The following TRMT11 variants were observed in gnomAD, a reference collection of about 807,000 sequenced individuals.
The protein encoded by TRMT11 is tRNA methyltransferase 11.
TRMT11 carries 53 observed loss-of-function variants against 62.8 expected under a neutral mutation model. The observed-to-expected ratio is 0.84, with a 90% CI of 0.68 to 1.06. The LOEUF (loss-of-function observed/expected upper bound fraction) is 1.06, where lower values mean the gene tolerates loss of function less well. Ranked by LOEUF, TRMT11 falls within the 50% of genes least tolerant of loss-of-function variation. The probability of loss-of-function intolerance (pLI) is 0.00; values close to 1 mark genes in which losing one functional copy is unlikely to be tolerated. For synonymous variants in TRMT11, 188 were observed against 190.3 expected (o/e 0.99, Z 0.10); for missense variants, 556 against 553.4 (o/e 1.00, Z -0.05).
At chr6:126,234,665 TTTCTC>T in the TRMT11 span, among the ~76,000 whole-genome samples, 1 of 152,178 alleles carries the variant, frequency 6.6e-6, no homozygotes, top group African/African-American at 2.4e-5. Context: ...TAATAATACA[TTTCTC>T]TAAATATCAA....
At chr6:126,065,555 CATTA>C (rs1359862794) in intron 17 of TRMT11, among the ~76,000 whole-genome samples, 2 of 152,204 alleles carry the variant, frequency 1.3e-5, no homozygotes, top group Non-Finnish European at 2.9e-5. Context: ...CTCCTTCATT[CATTA>C]ATTATTATGA....
At chr6:126,212,711 T>G in the TRMT11 span, among the ~76,000 whole-genome samples, 479 of 152,296 alleles carry the variant, frequency 3.1e-3, 4 homozygotes, top group Middle Eastern at 6.8e-3. Flanking sequence ...TCAAATATTT[T>G]CTCCCATTCT....
At chr6:125,987,393 T>C (rs1025730211) in intron 1 of TRMT11, among the ~76,000 whole-genome samples, 15 of 152,312 alleles carry the variant, frequency 9.8e-5, no homozygotes, top group Middle Eastern at 6.8e-3. Context: ...TCATTATTAC[T>C]GGATCACTAG....
chr6:126,218,595 G>T, the TRMT11 span, among the ~76,000 whole-genome samples: 1 of 152,222 alleles, frequency 6.6e-6, no homozygotes, highest in Non-Finnish European at 1.5e-5. Context: ...TCATATCCAA[G>T]TTGCAAGACA....
Position 126,012,773 on chromosome 6 carries a change from C to G in TRMT11, c.928C>G (p.Pro310Ala), listed in dbSNP as rs1165479067. ...TGTTACCTTTGTTTTCTGTCTAGCT[C>G]CATATGGTATCAGAGAATCTACAAG... ...TYFDAIITDP[P>A]YGIRESTRRT... Residue 310 changes from proline to alanine, a missense_variant and splice_region_variant, in exon 10 of 13, where the codon CCA becomes GCA. Pro to Ala is a conservative substitution (Grantham distance 27, BLOSUM62 -1). Coordinates refer to ENST00000334379, the MANE Select transcript of TRMT11 (RefSeq NM_001031712.3). 2 of 1,612,726 alleles carry G rather than the reference C, an allele frequency of 1.2e-6. No individual in the cohort carries two copies. The highest frequency in any genetic ancestry group is 2.2e-5 in the East Asian group (1 of 44,862).
chr6:126,090,379 C>G (rs1400183409), intron 17 of TRMT11, among the ~76,000 whole-genome samples: 4 of 152,116 alleles, frequency 2.6e-5, no homozygotes, highest in African/African-American at 9.7e-5. Flanking sequence ...CCTAACAGAC[C>G]ATGCTGTGAA....
At chr6:126,193,683 C>T (rs560260666) in intron 1 of TRMT11, among the ~76,000 whole-genome samples, 3 of 151,554 alleles carry the variant, frequency 2.0e-5, no homozygotes, top group East Asian at 1.9e-4. Flanking sequence ...TTAGTAGAGA[C>T]GGGGTTTCAC....
Position 126,021,187 on chromosome 6 carries a change from C to A in TRMT11, c.1167C>A (p.His389Gln). ...PEYTEEMVPW[H>Q]PCLELVSNCE... ...ACACTGAAGAGATGGTGCCTTGGCA[C>A]CCTTGCCTGGAACTCGTTAGCAACT... Residue 389 changes from histidine (H) to glutamine (Q), a missense_variant, in exon 12 of 13, where the codon CAC (histidine) becomes CAA (glutamine). His to Gln is a conservative substitution (Grantham distance 24). Coordinates refer to ENST00000334379, the MANE Select transcript of TRMT11 (RefSeq NM_001031712.3). 1 of 1,614,118 alleles carries A rather than the reference C, an allele frequency of 6.2e-7. No individual in the cohort carries two copies. Among genetic ancestry groups the A allele is most frequent in the Non-Finnish European group, 8.5e-7 (1 of 1,179,996 alleles).
At chr6:126,260,982 G>A in the TRMT11 span, among the ~76,000 whole-genome samples, 1 of 152,070 alleles carries the variant, frequency 6.6e-6, no homozygotes, top group East Asian at 1.9e-4. Context: ...CCAATATGTG[G>A]GAAGTTTTCA....
chr6:126,143,811 A>G (rs1323277445), intron 21 of TRMT11, among the ~76,000 whole-genome samples: 1 of 152,164 alleles, frequency 6.6e-6, no homozygotes, highest in African/African-American at 2.4e-5. Flanking sequence ...CTTTGTGCTG[A>G]TAAGTGGGGC....
At chr6:126,207,845 C>T (rs544713008), downstream of TRMT11, among the ~76,000 whole-genome samples, 8 of 152,196 alleles carry the variant, frequency 5.3e-5, no homozygotes, top group African/African-American at 1.9e-4. Flanking sequence ...TGAACATTCT[C>T]AAGACAAAAT....
At chr6:126,229,903 A>G in the TRMT11 span, among the ~76,000 whole-genome samples, 5,106 of 152,214 alleles carry the variant, frequency 0.034, 252 homozygotes, top group African/African-American at 0.12. Context: ...ATACCATTGA[A>G]AATCTAACTT....
At chr6:126,240,900 C>T in the TRMT11 span, among the ~76,000 whole-genome samples, 10 of 152,342 alleles carry the variant, frequency 6.6e-5, no homozygotes, top group South Asian at 2.1e-4. Context: ...ACTCAAGCCT[C>T]GGCAATGGTG....
intron 1 of TRMT11, among the ~76,000 whole-genome samples, chr6:126,190,059 A>G (rs1478168362): frequency 6.6e-6 from 1 of 152,176 alleles, no homozygotes; most frequent in Non-Finnish European, 1.5e-5. Context: ...TGTTGGAAAC[A>G]TTATAATTTC....
At chr6:126,015,115 A>G (rs532659162) in intron 11 of TRMT11, among the ~76,000 whole-genome samples, 9 of 152,300 alleles carry the variant, frequency 5.9e-5, no homozygotes, top group Non-Finnish European at 1.2e-4. Flanking sequence ...AGTAATTTCA[A>G]ACTTACAGAA....
chr6:126,075,345 A>G (rs1352248520), intron 17 of TRMT11, among the ~76,000 whole-genome samples: 1 of 152,048 alleles, frequency 6.6e-6, no homozygotes, highest in Non-Finnish European at 1.5e-5. Context: ...CTCATGTTGA[A>G]TTGTAATCCC....
chr6:126,247,303 A>G, the TRMT11 span, among the ~76,000 whole-genome samples: 3,261 of 152,062 alleles, frequency 0.021, 131 homozygotes, highest in African/African-American at 0.074. Context: ...GGCAAATATC[A>G]TAACAGAGGA....
intron 1 of TRMT11, among the ~76,000 whole-genome samples, chr6:126,181,718 G>A (rs931560701): frequency 2.0e-5 from 3 of 152,152 alleles, no homozygotes; most frequent in African/African-American, 7.2e-5. Flanking sequence ...AAGAAGAAGA[G>A]GGTGTTTTCC....
intron 17 of TRMT11, among the ~76,000 whole-genome samples, chr6:126,083,193 C>T (rs1270975766): frequency 6.6e-6 from 1 of 152,178 alleles, no homozygotes; most frequent in Non-Finnish European, 1.5e-5. Flanking sequence ...CTTTCGGTCC[C>T]TGACAAACTG....
Sources: gnomAD v4.1 joint callset for allele counts (sites outside exome capture counted in the v4.1 genomes callset) on GRCh38, gnomAD v4.1.1 for gene constraint, MANE v1.5 for transcripts, NCBI Gene and HGNC (gene_info 2026-07-23, HGNC 2026-07-21) for gene names.